Variants in SPAG16 observed in about 807,000 individuals in gnomAD.
The protein encoded by SPAG16 is sperm associated antigen 16.
A neutral mutation model predicts 80.4 loss-of-function variants in SPAG16; 86 were observed. The ratio of observed to expected loss-of-function variants is 1.07; its 90% CI spans 0.90 to 1.28. The LOEUF is 1.28. SPAG16 is among the 50% of genes most tolerant of loss of function. The pLI is 0.00. For synonymous variants in SPAG16, 294 were observed against 265.9 expected (o/e 1.11, Z -1.03); for missense variants, 870 against 765.3 (o/e 1.14, Z -1.61).
At chr2:213,779,135 T>C (rs1462966123) in intron 10 of SPAG16, among the ~76,000 whole-genome samples, 6 of 152,236 alleles carry the variant, frequency 3.9e-5, no homozygotes, top group Non-Finnish European at 8.8e-5. Context: ...TATTCTTTCC[T>C]ACTTAATGTT....
chr2:213,636,926 C>G (rs2062384890), intron 10 of SPAG16, among the ~76,000 whole-genome samples: 1 of 152,266 alleles, frequency 6.6e-6, no homozygotes, highest in East Asian at 1.9e-4. Context: ...TCCTTTTTAT[C>G]AATTTGGTTG....
chr2:213,520,402 C>T (rs1011856261), intron 10 of SPAG16, among the ~76,000 whole-genome samples: 14 of 151,252 alleles, frequency 9.3e-5, no homozygotes, highest in East Asian at 1.9e-4. Flanking sequence ...CTGGCTAACA[C>T]GGTGAAACCC....
intron 4 of SPAG16, 147 bp downstream of exon 4, chr2:213,310,324 ACACACAC>A: frequency 2.6e-3 from 2 of 766 alleles, no homozygotes; most frequent in Non-Finnish European, 2.9e-3. Flanking sequence ...ACCACAACAC[ACACACAC>A]ACACACACAC....
chr2:214,090,202 G>GGAAGAGGAAGATAAAGAT (rs1242251425), intron 13 of SPAG16, among the ~76,000 whole-genome samples: 1 of 151,240 alleles, frequency 6.6e-6, no homozygotes, highest in Non-Finnish European at 1.5e-5. Flanking sequence ...AGAAAGAAGT[G>GGAAGAGGAAGATAAAGAT]GAAGAGGAAG....
At chr2:213,704,956 A>G (rs894032870) in intron 10 of SPAG16, among the ~76,000 whole-genome samples, 3 of 152,202 alleles carry the variant, frequency 2.0e-5, no homozygotes, top group African/African-American at 7.2e-5. Flanking sequence ...GGAATTAGAA[A>G]AAAAAAATTA....
intron 2 of SPAG16, among the ~76,000 whole-genome samples, chr2:213,296,834 A>G (rs1257687899): frequency 1.3e-5 from 2 of 152,188 alleles, no homozygotes; most frequent in African/African-American, 2.4e-5. Flanking sequence ...CATAATTGCA[A>G]TCCATCACGT....
chr2:214,188,968 T>C (rs2057569519), intron 15 of SPAG16, among the ~76,000 whole-genome samples: 2 of 152,114 alleles, frequency 1.3e-5, no homozygotes, highest in South Asian at 4.1e-4. Context: ...TAACATTTTA[T>C]ACATAGCAAC....
At chr2:214,111,050 A>T (rs931248232) in intron 14 of SPAG16, among the ~76,000 whole-genome samples, 2 of 151,956 alleles carry the variant, frequency 1.3e-5, no homozygotes, top group Non-Finnish European at 2.9e-5. Context: ...AGATGGGTAG[A>T]TTGCAAAAAT....
At chr2:214,191,120 C>T (rs1296181608) in intron 15 of SPAG16, among the ~76,000 whole-genome samples, 2 of 151,978 alleles carry the variant, frequency 1.3e-5, no homozygotes, top group Non-Finnish European at 2.9e-5. Context: ...CACAGAATGA[C>T]AGAATTGTAG....
chr2:214,054,363 T>C (rs1021522225), intron 13 of SPAG16, among the ~76,000 whole-genome samples: 1 of 152,188 alleles, frequency 6.6e-6, no homozygotes, highest in African/African-American at 2.4e-5. Flanking sequence ...TGGCTAAATA[T>C]AAAGTAACAA....
At chr2:214,129,355 C>G (rs1193177699) in intron 14 of SPAG16, among the ~76,000 whole-genome samples, 1 of 152,094 alleles carries the variant, frequency 6.6e-6, no homozygotes, top group Non-Finnish European at 1.5e-5. Flanking sequence ...TGACTTCATT[C>G]GTTTTCATCT....
chr2:214,195,796 A>AT (rs1450175377), intron 15 of SPAG16, among the ~76,000 whole-genome samples: 8 of 151,970 alleles, frequency 5.3e-5, no homozygotes, highest in Non-Finnish European at 1.2e-4. Context: ...AGTAAAAAAA[A>AT]CTAGCTATGG....
At chr2:214,310,232 G>T (rs1263401304) in intron 15 of SPAG16, among the ~76,000 whole-genome samples, 1 of 151,220 alleles carries the variant, frequency 6.6e-6, no homozygotes, top group Non-Finnish European at 1.5e-5. Flanking sequence ...TCCCTTGAAG[G>T]TGTGACTGTA....
intron 10 of SPAG16, among the ~76,000 whole-genome samples, chr2:213,812,524 G>C (rs1559488596): frequency 6.6e-6 from 1 of 152,188 alleles, no homozygotes; most frequent in Non-Finnish European, 1.5e-5. Context: ...GTGATTGGAT[G>C]ATTACCTGGT....
intron 5 of SPAG16, among the ~76,000 whole-genome samples, chr2:213,330,301 G>T (rs1575220522): frequency 1.3e-5 from 2 of 152,336 alleles, no homozygotes; most frequent in East Asian, 3.9e-4. Context: ...GCCCATGAAA[G>T]CACCCAGGAG....
intron 12 of SPAG16, among the ~76,000 whole-genome samples, chr2:213,970,152 T>C (rs970669530): frequency 2.6e-5 from 4 of 152,098 alleles, no homozygotes; most frequent in Admixed American, 1.3e-4. Flanking sequence ...CATGACCTAA[T>C]CATCTCCTAA....
At chr2:214,009,859 CTATCCCCCAATAGCTGTCCTCG>C (rs2047202815) in intron 12 of SPAG16, among the ~76,000 whole-genome samples, 2 of 152,182 alleles carry the variant, frequency 1.3e-5, no homozygotes, top group Admixed American at 6.5e-5. Context: ...TAGAAAACAG[CTATCCCCCAATAGCTGTCCTCG>C]TAAGTCATAA....
chr2:213,336,508 G>A (rs940075901), intron 5 of SPAG16, among the ~76,000 whole-genome samples: 1 of 152,202 alleles, frequency 6.6e-6, no homozygotes, highest in Admixed American at 6.5e-5. Context: ...AGGAGGGTTG[G>A]CCACCATCAC....
intron 15 of SPAG16, among the ~76,000 whole-genome samples, chr2:214,248,151 A>G (rs1369358914): frequency 2.1e-4 from 32 of 152,034 alleles, no homozygotes; most frequent in Admixed American, 2.1e-3. Context: ...TCCAGAACAC[A>G]GAAAACAACA....
Sources: gnomAD v4.1 joint callset for allele counts (sites outside exome capture counted in the v4.1 genomes callset) on GRCh38, gnomAD v4.1.1 for gene constraint, MANE v1.5 for transcripts, NCBI Gene and HGNC (gene_info 2026-07-23, HGNC 2026-07-21) for gene names.